GRID1: variants seen among roughly 807,000 people sequenced by gnomAD.
GRID1 encodes glutamate ionotropic receptor delta type subunit 1, also known as glutamate receptor ionotropic, delta-1.
In GRID1, 28 loss-of-function variants were observed where a neutral mutation model predicts 98.0. That is an observed-to-expected ratio of 0.29 (90% CI 0.21 to 0.39). The LOEUF is 0.39. Ranked by LOEUF, GRID1 falls within the 10% of genes least tolerant of loss-of-function variation. The probability of loss-of-function intolerance (pLI) is 1.00; values close to 1 mark genes in which losing one functional copy is unlikely to be tolerated. For synonymous variants in GRID1, 553 were observed against 538.5 expected (o/e 1.03, Z -0.37); for missense variants, 1,111 against 1,340.5 (o/e 0.83, Z 2.67).
chr10:86,248,028 GC>G (rs1331970812), intron 2 of GRID1, among the ~76,000 whole-genome samples: 4 of 152,208 alleles, frequency 2.6e-5, no homozygotes, highest in African/African-American at 7.2e-5. Flanking sequence ...AACAAGAGCT[GC>G]CCCCAAGGGG....
rs201156384 is a variant in GRID1, at chr10:85,917,353, T to TA, written c.727-1115dup. On this transcript the variant is annotated intron_variant, in intron 4 of 15. Coordinates refer to ENST00000327946, the MANE Select transcript of GRID1 (RefSeq NM_017551.3). ...TCAACATCCCATAATCCCATCCCAT[T>TA]AAAAAAAATATGCTGACATAGTGAA... Among the ~76,000 whole-genome samples, 349 of 151,890 alleles carry TA rather than the reference T, an allele frequency of 2.3e-3. 1 individual carries two copies. The East Asian group carries it at 0.037, about 16-fold the overall frequency.
At chr10:86,031,454 G>A (rs75342707) in intron 4 of GRID1, among the ~76,000 whole-genome samples, 4,738 of 152,180 alleles carry the variant, frequency 0.031, 205 homozygotes, top group African/African-American at 0.098. Context: ...TACCTATGGG[G>A]TACTATGTTC....
intron 8 of GRID1, among the ~76,000 whole-genome samples, chr10:85,774,547 C>A (rs1309246458): frequency 2.0e-5 from 3 of 151,340 alleles, no homozygotes; most frequent in East Asian, 1.9e-4. Context: ...CAACCTACAA[C>A]ATGGGAGAAA....
At chr10:86,065,201 C>T (rs1164775831) in intron 4 of GRID1, among the ~76,000 whole-genome samples, 2 of 152,228 alleles carry the variant, frequency 1.3e-5, no homozygotes, top group Admixed American at 1.3e-4. Flanking sequence ...GCTCCTGGAC[C>T]AGCAGCGTCA....
At chr10:85,992,023 G>T (rs948968296) in intron 4 of GRID1, among the ~76,000 whole-genome samples, 3 of 152,144 alleles carry the variant, frequency 2.0e-5, no homozygotes, top group African/African-American at 7.2e-5. Flanking sequence ...TCAGGGCAGG[G>T]GGCAAGTGGC....
At chr10:85,671,874 G>A (rs547009207) in intron 12 of GRID1, among the ~76,000 whole-genome samples, 12 of 152,316 alleles carry the variant, frequency 7.9e-5, no homozygotes, top group Middle Eastern at 3.4e-3. Flanking sequence ...CTGAATAGAA[G>A]ATCAACAGGA....
chr10:85,959,950 C>T (rs1313482042), intron 4 of GRID1, among the ~76,000 whole-genome samples: 3 of 152,010 alleles, frequency 2.0e-5, no homozygotes, highest in Non-Finnish European at 4.4e-5. Context: ...GGCACAATCT[C>T]GGCTCATTGT....
intron 3 of GRID1, among the ~76,000 whole-genome samples, chr10:86,152,446 G>A (rs1845182212): frequency 6.6e-6 from 1 of 152,232 alleles, no homozygotes; most frequent in African/African-American, 2.4e-5. Context: ...TGACAGCAAC[G>A]GAGACACTGC....
intron 8 of GRID1, among the ~76,000 whole-genome samples, chr10:85,777,667 C>T (rs890056224): frequency 6.6e-6 from 1 of 152,184 alleles, no homozygotes; most frequent in Non-Finnish European, 1.5e-5. Flanking sequence ...AATTTACTTG[C>T]TTTTTGCCTA....
At chr10:85,988,322 A>G (rs1225243636) in intron 4 of GRID1, among the ~76,000 whole-genome samples, 1 of 152,230 alleles carries the variant, frequency 6.6e-6, no homozygotes, top group East Asian at 1.9e-4. Flanking sequence ...CTTCACACAG[A>G]GTCTGGCAAA....
chr10:85,817,167 C>T (rs1842723334), intron 8 of GRID1, among the ~76,000 whole-genome samples: 1 of 152,198 alleles, frequency 6.6e-6, no homozygotes, highest in Non-Finnish European at 1.5e-5. Context: ...CAAACACACA[C>T]ATGCATGCAT....
intron 8 of GRID1, among the ~76,000 whole-genome samples, chr10:85,747,203 C>T (rs1842005711): frequency 6.6e-6 from 1 of 152,000 alleles, no homozygotes; most frequent in Admixed American, 6.6e-5. Context: ...GAATCAAAGC[C>T]CATGGGGTTT....
At chr10:86,346,063 C>T (rs1233302636) in intron 2 of GRID1, among the ~76,000 whole-genome samples, 3 of 152,214 alleles carry the variant, frequency 2.0e-5, no homozygotes, top group Admixed American at 6.5e-5. Context: ...CACCCCTGGG[C>T]AGGCTTCATT....
chr10:85,871,815 G>A (rs1319160984), intron 5 of GRID1, among the ~76,000 whole-genome samples: 2 of 152,172 alleles, frequency 1.3e-5, no homozygotes, highest in African/African-American at 2.4e-5. Context: ...ATTAAGGATT[G>A]TATCCTTTTA....
chr10:86,160,320 C>T (rs1455343522), intron 3 of GRID1, among the ~76,000 whole-genome samples: 2 of 152,190 alleles, frequency 1.3e-5, no homozygotes, highest in African/African-American at 2.4e-5. Context: ...ATGTAGAATT[C>T]CCAGTTCAGT....
chr10:86,262,162 G>A (rs1452567678), intron 2 of GRID1, among the ~76,000 whole-genome samples: 3 of 152,242 alleles, frequency 2.0e-5, no homozygotes, highest in Non-Finnish European at 4.4e-5. Context: ...GAAGAAAGGC[G>A]CTGATCTGAA....
intron 8 of GRID1, among the ~76,000 whole-genome samples, chr10:85,765,523 T>C (rs767709315): frequency 6.6e-6 from 1 of 152,222 alleles, no homozygotes; most frequent in African/African-American, 2.4e-5. Context: ...CCTGACCTCA[T>C]GTAACACATT....
intron 5 of GRID1, among the ~76,000 whole-genome samples, chr10:85,878,387 A>T (rs1215449078): frequency 2.0e-5 from 3 of 152,178 alleles, no homozygotes; most frequent in Non-Finnish European, 2.9e-5. Flanking sequence ...CGGGTTACCC[A>T]CAAAGGGAAG....
intron 4 of GRID1, among the ~76,000 whole-genome samples, chr10:85,996,829 CA>C (rs200832384): frequency 5.4e-3 from 367 of 67,750 alleles, no homozygotes; most frequent in Admixed American, 0.011. Context: ...AACTCCATCT[CA>C]AAAAAAAAAA....
Sources: gnomAD v4.1 joint callset for allele counts (sites outside exome capture counted in the v4.1 genomes callset) on GRCh38, gnomAD v4.1.1 for gene constraint, MANE v1.5 for transcripts, NCBI Gene and HGNC (gene_info 2026-07-23, HGNC 2026-07-21) for gene names.